The following SNTG1 variants were observed in gnomAD, a reference collection of about 807,000 sequenced individuals.
SNTG1 encodes gamma-1-syntrophin.
Under a neutral mutation model 74.7 loss-of-function variants are expected in SNTG1, and 39 were observed. The observed-to-expected ratio is 0.52, with a 90% CI of 0.40 to 0.68. SNTG1 has a LOEUF of 0.68. Ranked by LOEUF, SNTG1 falls within the 30% of genes least tolerant of loss-of-function variation. The probability of loss-of-function intolerance (pLI) is 0.00; values close to 1 mark genes in which losing one functional copy is unlikely to be tolerated. For synonymous variants in SNTG1, 254 were observed against 217.1 expected, an observed-to-expected ratio of 1.17 and a Z score of -1.49; for missense variants, 685 against 609.5, an observed-to-expected ratio of 1.12 and a Z score of -1.30.
intron 13 of SNTG1, among the ~76,000 whole-genome samples, chr8:50,650,893 G>A (rs531082253): frequency 1.3e-5 from 2 of 152,092 alleles, no homozygotes; most frequent in East Asian, 3.9e-4. Context: ...AAGACACAGG[G>A]TTTCACCATG....
intron 1 of SNTG1, among the ~76,000 whole-genome samples, chr8:50,158,571 T>C (rs1358734314): frequency 1.3e-5 from 2 of 152,310 alleles, no homozygotes; most frequent in South Asian, 2.1e-4. Flanking sequence ...AGTTTGTTAA[T>C]TTTCAACTAT....
intron 1 of SNTG1, among the ~76,000 whole-genome samples, chr8:50,089,660 T>C (rs2079638145): frequency 6.6e-6 from 1 of 152,204 alleles, no homozygotes. Context: ...GAAAAGATGC[T>C]CATCATCACT....
At chr8:50,521,336 G>C (rs886504342) in intron 9 of SNTG1, among the ~76,000 whole-genome samples, 1 of 152,142 alleles carries the variant, frequency 6.6e-6, no homozygotes, top group African/African-American at 2.4e-5. Flanking sequence ...GTTGATGGGT[G>C]CAGCAAACCA....
At chr8:50,202,639 A>G (rs1032179921) in intron 2 of SNTG1, among the ~76,000 whole-genome samples, 5 of 152,156 alleles carry the variant, frequency 3.3e-5, no homozygotes, top group African/African-American at 9.6e-5. Context: ...GCAGCAGAGA[A>G]TAAGTTGATA....
intron 13 of SNTG1, among the ~76,000 whole-genome samples, chr8:50,645,482 C>CT (rs2095102958): frequency 6.6e-6 from 1 of 151,904 alleles, no homozygotes; most frequent in South Asian, 2.1e-4. Flanking sequence ...ATTTTATCCT[C>CT]TGTTTTTTTA....
chr8:50,224,602 C>G (rs116443096), intron 2 of SNTG1, among the ~76,000 whole-genome samples: 3,158 of 152,256 alleles, frequency 0.021, 95 homozygotes, highest in African/African-American at 0.066. Context: ...TAAGCACCCC[C>G]CAACCAACTG....
intron 1 of SNTG1, among the ~76,000 whole-genome samples, chr8:50,075,048 G>A (rs541258779): frequency 1.3e-5 from 2 of 152,286 alleles, no homozygotes; most frequent in African/African-American, 4.8e-5. Flanking sequence ...CAGCACTGCC[G>A]GCCGCCCACA....
chr8:50,413,780 T>G (rs987249013), intron 4 of SNTG1, among the ~76,000 whole-genome samples: 3 of 152,152 alleles, frequency 2.0e-5, no homozygotes, highest in African/African-American at 7.2e-5. Flanking sequence ...CTCTGTGGAC[T>G]CTAAAGGCAA....
At chr8:50,351,616 TA>T (rs2091663946) in intron 2 of SNTG1, among the ~76,000 whole-genome samples, 2 of 151,726 alleles carry the variant, frequency 1.3e-5, no homozygotes. Context: ...CATGCTGGAG[TA>T]AAAAACTGAA....
chr8:50,339,688 G>C (rs2091261848), intron 2 of SNTG1, among the ~76,000 whole-genome samples: 1 of 151,732 alleles, frequency 6.6e-6, no homozygotes, highest in South Asian at 2.1e-4. Flanking sequence ...GTCATAAAAA[G>C]CTCAATTACA....
intron 2 of SNTG1, among the ~76,000 whole-genome samples, chr8:50,198,157 C>A (rs149277347): frequency 1.3e-5 from 2 of 152,224 alleles, no homozygotes; most frequent in East Asian, 3.9e-4. Flanking sequence ...CGCCCCTCAG[C>A]AGGTGCATCC....
intron 18 of SNTG1, among the ~76,000 whole-genome samples, chr8:50,778,102 T>C (rs1440219658): frequency 6.6e-6 from 1 of 152,204 alleles, no homozygotes; most frequent in Non-Finnish European, 1.5e-5. Context: ...GAGTCTATCA[T>C]TGATGGACAT....
chr8:50,434,488 A>G (rs2093279386), intron 4 of SNTG1, among the ~76,000 whole-genome samples: 1 of 2,066 alleles, frequency 4.8e-4, no homozygotes, highest in Non-Finnish European at 5.1e-3. Context: ...ATGTTTGAAC[A>G]GTTTACAGTC....
intron 9 of SNTG1, among the ~76,000 whole-genome samples, chr8:50,503,625 T>A (rs181504459): frequency 3.9e-5 from 6 of 152,228 alleles, no homozygotes; most frequent in African/African-American, 1.4e-4. Context: ...TTATACTTAA[T>A]TTTTTATTCT....
intron 15 of SNTG1, among the ~76,000 whole-genome samples, chr8:50,697,018 G>T (rs1002859086): frequency 6.6e-6 from 1 of 151,992 alleles, no homozygotes; most frequent in African/African-American, 2.4e-5. Flanking sequence ...CATTGAAATT[G>T]TAAATTGTTT....
At chr8:50,292,371 T>C (rs1213559730) in intron 2 of SNTG1, among the ~76,000 whole-genome samples, 1 of 152,102 alleles carries the variant, frequency 6.6e-6, no homozygotes, top group Non-Finnish European at 1.5e-5. Flanking sequence ...CCAGGCAATA[T>C]GTTAGAAAAT....
intron 8 of SNTG1, among the ~76,000 whole-genome samples, chr8:50,470,214 G>A (rs2093640798): frequency 6.6e-6 from 1 of 152,190 alleles, no homozygotes; most frequent in Admixed American, 6.5e-5. Context: ...ACAAAGTTTA[G>A]CCGAACCTAA....
intron 1 of SNTG1, among the ~76,000 whole-genome samples, chr8:49,939,127 T>C (rs894347157): frequency 6.6e-6 from 1 of 152,318 alleles, no homozygotes; most frequent in Non-Finnish European, 1.5e-5. Flanking sequence ...GTTTTTAGAA[T>C]GGCCATTTCA....
intron 15 of SNTG1, among the ~76,000 whole-genome samples, chr8:50,688,816 G>A (rs1281037737): frequency 2.0e-5 from 3 of 151,598 alleles, no homozygotes; most frequent in African/African-American, 7.3e-5. Flanking sequence ...AGCTTGATGG[G>A]GATGGCATTG....
Sources: allele counts gnomAD v4.1 joint callset (sites outside exome capture counted in the v4.1 genomes callset), GRCh38; gene constraint gnomAD v4.1.1; transcripts MANE v1.5; gene names NCBI Gene and HGNC (gene_info 2026-07-23, HGNC 2026-07-21).